Variants in R3HDM4 observed in about 807,000 individuals in gnomAD.
R3HDM4 encodes the protein R3H domain containing 4.
A neutral mutation model predicts 31.3 loss-of-function variants in R3HDM4; 30 were observed. The ratio of observed to expected loss-of-function variants is 0.96; its 90% CI spans 0.72 to 1.30. The LOEUF is 1.30. R3HDM4 is among the 50% of genes most tolerant of loss of function. R3HDM4 has a pLI of 0.00. For missense variants in R3HDM4, 444 were observed against 366.1 expected, an observed-to-expected ratio of 1.21 and a Z score of -1.74; for synonymous variants, 196 against 156.6, an observed-to-expected ratio of 1.25 and a Z score of -1.88.
chr19:903,159 A>G (rs1204638180), intron 1 of R3HDM4, among the ~76,000 whole-genome samples: 1 of 151,918 alleles, frequency 6.6e-6, no homozygotes, highest in Non-Finnish European at 1.5e-5. Flanking sequence ...ACTTGATTTT[A>G]TCCACATCCC....
At chr19:898,968 C>T (rs2930884) in intron 7 of R3HDM4, among the ~76,000 whole-genome samples, 9,451 of 152,202 alleles carry the variant, frequency 0.062, 329 homozygotes, top group Middle Eastern at 0.099. Context: ...CCTGCACAGA[C>T]GTTCACTACG....
chr19:901,151 CG>C, intron 3 of R3HDM4, 199 bp from the exon 4 acceptor site: 1 of 700,424 alleles, frequency 1.4e-6, no homozygotes. Flanking sequence ...CCAGCTGTCT[CG>C]GGGTGGGGGG....
At chr19:901,651 C>T in intron 2 of R3HDM4, 105 bp from the exon 3 acceptor site, 12 of 1,412,956 alleles carry the variant, frequency 8.5e-6, no homozygotes, top group Non-Finnish European at 1.1e-5. Flanking sequence ...ATCTCAACCT[C>T]CGCACCTCCA....
chr19:910,981 C>T (rs1039474611), intron 1 of R3HDM4, among the ~76,000 whole-genome samples: 1 of 151,808 alleles, frequency 6.6e-6, no homozygotes, highest in Non-Finnish European at 1.5e-5. Flanking sequence ...ATTAGCCGGG[C>T]GCGGTGGCGG....
In R3HDM4 at chr19:900,003, G is replaced by A. The variant is rs372127843; in HGVS notation, c.561+58C>T. ...GGGTGAGAACCTGTGCCTGGGAAACGGGCCTTCAAAAAAGACCAGGCAGGT... is the reference window on the plus strand; with the variant it reads ...GGGTGAGAACCTGTGCCTGGGAAACAGGCCTTCAAAAAAGACCAGGCAGGT... On this transcript the variant is annotated intron_variant, in intron 5 of 7. Coordinates refer to ENST00000361574, the MANE Select transcript of R3HDM4 (RefSeq NM_138774.4). 163 of 1,516,588 alleles carry A rather than the reference G, an allele frequency of 1.1e-4. No homozygotes were observed. The African/African-American group carries it at 1.5e-3, about 14-fold the overall frequency. 93.9% of individuals were successfully genotyped at this position (1,516,588 alleles called of 1,614,324 possible). A position where few individuals can be genotyped will look rare whatever the true frequency, so the allele number is the denominator to read the frequency against.
intron 1 of R3HDM4, among the ~76,000 whole-genome samples, chr19:905,981 T>A (rs2036899138): frequency 6.6e-6 from 1 of 151,676 alleles, no homozygotes; most frequent in South Asian, 2.1e-4. Context: ...GGTCCTGGAA[T>A]CTCAGCCCAG....
chr19:901,403 AG>A lies in R3HDM4; in HGVS notation c.351+18del. Reference sequence around the variant, plus strand: ...CCGGGGTCCCCGTGTGGAGGGAGTGAGGGGGTTGGGGGCCACACCTCCACAT... The same window carrying A: ...CCGGGGTCCCCGTGTGGAGGGAGTGAGGGGTTGGGGGCCACACCTCCACAT... On this transcript the variant is annotated intron_variant, in intron 3 of 7. Transcript: ENST00000361574. 1 of 1,597,126 alleles carries A rather than the reference AG, an allele frequency of 6.3e-7. No individual in the cohort carries two copies.
chr19:901,973 C>T lies in R3HDM4; in HGVS notation c.226+3G>A, dbSNP rs897371229. Reference sequence around the variant, plus strand: ...CAGGAGGCGCCTCCCGACCCCTGCTCACTGTTCTCCAGGCGCTGGAGGCTC... The same window carrying T: ...CAGGAGGCGCCTCCCGACCCCTGCTTACTGTTCTCCAGGCGCTGGAGGCTC... On this transcript the variant is annotated splice_donor_region_variant and intron_variant, in intron 2 of 7. Transcript: ENST00000361574. 1.2e-6 allele frequency: 2 copies of T among 1,613,590 alleles called. No individual in the cohort carries two copies. The highest frequency in any genetic ancestry group is 1.7e-6 in the Non-Finnish European group (2 of 1,180,002).
At chr19:900,023 G>A (rs768022273) in intron 5 of R3HDM4, 38 bp downstream of exon 5, 2 of 1,590,694 alleles carry the variant, frequency 1.3e-6, no homozygotes, top group East Asian at 4.5e-5. Flanking sequence ...AAAAGACCAG[G>A]CAGGTAGAAA....
In R3HDM4 at chr19:913,145, C is replaced by T. The variant is rs1555722653; in HGVS notation, c.13G>A (p.Glu5Lys). Residue 5 changes from glutamate (E) to lysine (K), a missense_variant, in exon 1 of 8, where the codon GAG becomes AAG. Transcript: ENST00000361574. This position sits in a 1 kb window ranked among gnomAD's most constrained non-coding sequence, Gnocchi z 5.0. The part of the protein sequence containing the change: MVAL[E>K]NPECGPEAAE... ...GCCTCCGGGCCGCACTCGGGGTTCT[C>T]CAGCGCGACCATGGCTCGCACGCTG... The T allele has an allele frequency of 1.8e-6, 2 of 1,090,022 alleles. No homozygotes were observed. The highest frequency in any genetic ancestry group is 2.2e-6 in the Non-Finnish European group (2 of 897,240). The allele number at this position is 1,090,022 out of a possible 1,614,324, so 67.5% of individuals were successfully genotyped here.
In R3HDM4 at chr19:900,283, C is replaced by T. The variant is rs914802146; in HGVS notation, c.476-137G>A. On this transcript the variant is annotated intron_variant, in intron 4 of 7. Coordinates refer to ENST00000361574, the MANE Select transcript of R3HDM4 (RefSeq NM_138774.4). ...CCTGCCCACCAAACCACACCTTCAA[C>T]GATACTGTGGCCCCATCCAGCCAGC... The T allele has an allele frequency of 1.3e-4, 81 of 633,314 alleles. 1 individual carries two copies. The Middle Eastern group carries it at 1.3e-3, about 10-fold the overall frequency. The allele number at this position is 633,314 out of a possible 1,614,324, so 39.2% of individuals were successfully genotyped here. A position where few individuals can be genotyped will look rare whatever the true frequency, so the allele number is the denominator to read the frequency against.
chr19:908,274 C>T (rs8110921), intron 1 of R3HDM4, among the ~76,000 whole-genome samples: 15,045 of 152,026 alleles, frequency 0.099, 931 homozygotes, highest in South Asian at 0.19. Flanking sequence ...CACCGACACT[C>T]CTCTCCAGAA....
chr19:900,180 G>A (rs760072395), intron 4 of R3HDM4, 34 bp from the exon 5 acceptor site: 5 of 1,514,114 alleles, frequency 3.3e-6, no homozygotes, highest in Non-Finnish European at 3.5e-6. Flanking sequence ...GCAGTCTTGG[G>A]GTGCTCGTCC....
At chr19:901,835 C>G (rs1038572826) in intron 2 of R3HDM4, 141 bp downstream of exon 2, 5 of 1,105,286 alleles carry the variant, frequency 4.5e-6, no homozygotes, top group Admixed American at 2.1e-5. Flanking sequence ...TATATGGTCC[C>G]CCGGCCTACA....
Position 897,513 on chromosome 19 carries a change from A to C in R3HDM4, c.731T>G (p.Met244Arg). The change falls in exon 8 of 8, where the codon ATG becomes AGG. Residue 244 changes from methionine to arginine, a missense_variant. Met to Arg is a moderately conservative substitution (Grantham distance 91). Coordinates refer to ENST00000361574, the MANE Select transcript of R3HDM4 (RefSeq NM_138774.4). ...ATCCAGGTGCCGATTACTGACCTTC[A>C]TCTGCCGCTTCCCCTCCAGGTCAGC... is the stretch of plus-strand genomic sequence containing the variant. Reference protein sequence around the residue: ...ASADLEGKRQMKVSNRHLDFL... With the variant: ...ASADLEGKRQRKVSNRHLDFL... 2 of 1,613,020 alleles carry C rather than the reference A, an allele frequency of 1.2e-6. No individual in the cohort carries two copies. The highest frequency in any genetic ancestry group is 1.7e-6 in the Non-Finnish European group (2 of 1,179,692).
intron 1 of R3HDM4, 116 bp downstream of exon 1, chr19:912,971 C>G (rs1264142958): frequency 7.0e-6 from 2 of 284,672 alleles, no homozygotes; most frequent in Non-Finnish European, 5.1e-6. Context: ...GCGAGGGGAA[C>G]GAAGGGAACG....
intron 1 of R3HDM4, among the ~76,000 whole-genome samples, chr19:910,771 G>A (rs2036961152): frequency 6.6e-6 from 1 of 152,082 alleles, no homozygotes; most frequent in Admixed American, 6.6e-5. Context: ...TCTGAGTGGA[G>A]ATAATAGTGA....
Position 913,071 on chromosome 19 carries a change from G to C in R3HDM4, c.71+16C>G, listed in dbSNP as rs1413020560. 6.9e-5 allele frequency: 61 copies of C among 890,016 alleles called. No homozygotes were observed. The highest frequency in any genetic ancestry group is 7.4e-5 in the Non-Finnish European group (54 of 730,830). 55.1% of individuals were successfully genotyped at this position (890,016 alleles called of 1,614,324 possible). On this transcript the variant is annotated intron_variant, in intron 1 of 7. Transcript: ENST00000361574. This position sits in a 1 kb window ranked among gnomAD's most constrained non-coding sequence, Gnocchi z 5.0. ...CCGCCCCCGGCGCCCGCCGCGCCCC[G>C]CCCGCCCGCGCTCACAGCAGCCGCC...
intron 7 of R3HDM4, among the ~76,000 whole-genome samples, chr19:898,746 C>T (rs961664778): frequency 5.3e-5 from 8 of 152,162 alleles, no homozygotes; most frequent in African/African-American, 1.9e-4. Context: ...AGGACCACAG[C>T]TCCACACCCA....
Sources: allele counts gnomAD v4.1 joint callset (sites outside exome capture counted in the v4.1 genomes callset), GRCh38; gene constraint gnomAD v4.1.1; non-coding constraint Gnocchi (gnomAD v3.1); transcripts MANE v1.5; gene names NCBI Gene and HGNC (gene_info 2026-07-23, HGNC 2026-07-21).